Variants in ARNT2 observed in about 807,000 individuals in gnomAD.
ARNT2 encodes the protein ARNT protein 2.
ARNT2 carries 36 observed loss-of-function variants against 91.7 expected under a neutral mutation model. The ratio of observed to expected loss-of-function variants is 0.39; its 90% CI spans 0.30 to 0.52. ARNT2 has a LOEUF of 0.52. Ranked by LOEUF, ARNT2 falls within the 20% of genes least tolerant of loss-of-function variation. The probability of loss-of-function intolerance (pLI) is 0.72; values close to 1 mark genes in which losing one functional copy is unlikely to be tolerated. For missense variants in ARNT2, 775 were observed against 939.3 expected (o/e 0.83, Z 2.29); for synonymous variants, 365 against 347.1 (o/e 1.05, Z -0.57).
At chr15:80,427,955 C>T (rs1162513221) in intron 1 of ARNT2, among the ~76,000 whole-genome samples, 1 of 152,268 alleles carries the variant, frequency 6.6e-6, no homozygotes, top group African/African-American at 2.4e-5. Flanking sequence ...GGGTCTCTCT[C>T]TCCCACTGTC....
intron 1 of ARNT2, chr15:80,436,293 G>T (rs1376888508): frequency 6.5e-6 from 1 of 154,374 alleles, no homozygotes; most frequent in Non-Finnish European, 1.5e-5. Context: ...CTCAAAGAAG[G>T]CGACAAGGAA....
intron 17 of ARNT2, among the ~76,000 whole-genome samples, chr15:80,589,656 C>T (rs915261093): frequency 6.6e-6 from 1 of 152,184 alleles, no homozygotes; most frequent in Non-Finnish European, 1.5e-5. Flanking sequence ...GGGACAGGTG[C>T]CTGTCAGGTG....
intron 12 of ARNT2, 51 bp downstream of exon 12, chr15:80,563,290 G>A: frequency 1.2e-6 from 2 of 1,604,752 alleles, no homozygotes; most frequent in African/African-American, 1.3e-5. Flanking sequence ...GCTTGCTTGG[G>A]TCCAGAGCTG....
At chr15:80,553,382 A>C (rs895050269) in intron 10 of ARNT2, among the ~76,000 whole-genome samples, 7 of 152,230 alleles carry the variant, frequency 4.6e-5, no homozygotes, top group African/African-American at 1.7e-4. Flanking sequence ...TTGAAATGTT[A>C]ATATGTACAG....
intron 1 of ARNT2, among the ~76,000 whole-genome samples, chr15:80,418,113 T>A (rs1055830205): frequency 6.6e-6 from 1 of 152,158 alleles, no homozygotes; most frequent in Non-Finnish European, 1.5e-5. Flanking sequence ...GGGTTTGGGA[T>A]TGAAAGGCAT....
intron 8 of ARNT2, among the ~76,000 whole-genome samples, chr15:80,521,011 G>T (rs1897535955): frequency 1.3e-5 from 2 of 152,116 alleles, no homozygotes; most frequent in Non-Finnish European, 2.9e-5. Flanking sequence ...ACAAAATATA[G>T]TAATTCTCAA....
intron 1 of ARNT2, chr15:80,442,794 CA>C: frequency 1.0e-6 from 1 of 957,914 alleles, no homozygotes; most frequent in Non-Finnish European, 1.2e-6. Context: ...CTGGCCCAAT[CA>C]TATTTTTCTT....
In ARNT2 at chr15:80,596,942, T is replaced by C; in HGVS notation, c.*3244T>C. On this transcript the variant is annotated 3_prime_UTR_variant, in exon 19 of 19. Coordinates refer to ENST00000303329, the MANE Select transcript of ARNT2 (RefSeq NM_014862.4). ...ACTCCCCCCAGTTTTATTTTTAGCT[T>C]TGGCTTCAGGGAGTGACAGCCATCA... is the stretch of plus-strand genomic sequence containing the variant. 2 of 355,144 alleles carry C rather than the reference T, an allele frequency of 5.6e-6. No homozygotes were observed. Among genetic ancestry groups the C allele is most frequent in the Non-Finnish European group, 1.1e-5 (2 of 180,228 alleles). The allele number at this position is 355,144 out of a possible 1,614,324, so 22.0% of individuals were successfully genotyped here.
intron 8 of ARNT2, among the ~76,000 whole-genome samples, chr15:80,547,571 A>G (rs1173007108): frequency 8.5e-5 from 13 of 152,204 alleles, no homozygotes; most frequent in Non-Finnish European, 4.4e-5. Context: ...ATGACTAACA[A>G]ACAAATGGTG....
rs949404163 is a variant in ARNT2, at chr15:80,593,803, C to T, written c.*105C>T. On this transcript the variant is annotated 3_prime_UTR_variant, in exon 19 of 19. Transcript: ENST00000303329. ...CGCCCTGCTTGCCCTGCCGCAGGCC[C>T]CCCACCAGAAGCCATCTCCCCCGCT... The T allele has an allele frequency of 4.0e-5, 43 of 1,076,202 alleles. No individual in the cohort carries two copies. The highest frequency in any genetic ancestry group is 6.2e-5 in the African/African-American group (4 of 64,160). The allele number at this position is 1,076,202 out of a possible 1,614,324, so 66.7% of individuals were successfully genotyped here.
chr15:80,491,216 A>C lies in ARNT2; in HGVS notation c.622+15993A>C, dbSNP rs148713310. Among the ~76,000 whole-genome samples, 1,136 of 152,284 alleles carry C rather than the reference A, an allele frequency of 7.5e-3. 11 individuals carry two copies. Among genetic ancestry groups the C allele is most frequent in the African/African-American group, 0.026 (1,100 of 41,534 alleles). Reference sequence around the variant, plus strand: ...CACGCTGCTGATAAAGACATACCTGAGACTGGGAAGAAAAAGAGGTTTCAT... The same window carrying C: ...CACGCTGCTGATAAAGACATACCTGCGACTGGGAAGAAAAAGAGGTTTCAT... On this transcript the variant is annotated intron_variant, in intron 5 of 18. Coordinates refer to ENST00000303329, the MANE Select transcript of ARNT2 (RefSeq NM_014862.4).
chr15:80,446,841 G>A (rs1896313558), intron 1 of ARNT2, among the ~76,000 whole-genome samples: 1 of 152,058 alleles, frequency 6.6e-6, no homozygotes, highest in Admixed American at 6.6e-5. Context: ...ATTTAAAAAG[G>A]GCTTCCCCTT....
chr15:80,467,615 C>T (rs1896674632), intron 3 of ARNT2, among the ~76,000 whole-genome samples: 1 of 152,224 alleles, frequency 6.6e-6, no homozygotes, highest in Non-Finnish European at 1.5e-5. Flanking sequence ...GTGTACTGCC[C>T]ATGATCTTAC....
intron 8 of ARNT2, among the ~76,000 whole-genome samples, chr15:80,545,580 G>A (rs975134935): frequency 2.0e-5 from 3 of 152,220 alleles, no homozygotes; most frequent in Admixed American, 6.5e-5. Context: ...GACAGGTTTG[G>A]TGTCCATTGA....
chr15:80,571,026 A>G (rs1898574612), intron 12 of ARNT2, among the ~76,000 whole-genome samples: 1 of 152,230 alleles, frequency 6.6e-6, no homozygotes, highest in Non-Finnish European at 1.5e-5. Context: ...TGGCGTTCAG[A>G]TCATACATAT....
intron 1 of ARNT2, among the ~76,000 whole-genome samples, chr15:80,450,322 G>A (rs1896369189): frequency 6.6e-6 from 1 of 152,212 alleles, no homozygotes; most frequent in Non-Finnish European, 1.5e-5. Context: ...ACACCCTAGA[G>A]CTCACTGTCT....
intron 3 of ARNT2, among the ~76,000 whole-genome samples, chr15:80,465,438 G>A (rs1285065098): frequency 6.6e-6 from 1 of 152,200 alleles, no homozygotes; most frequent in Non-Finnish European, 1.5e-5. Flanking sequence ...TCAGGAGGTA[G>A]AAATGGAAGC....
intron 1 of ARNT2, among the ~76,000 whole-genome samples, chr15:80,408,439 A>G (rs1895633914): frequency 2.0e-5 from 3 of 152,154 alleles, no homozygotes. Context: ...TTGAAGACAG[A>G]GATTTTGACT....
intron 5 of ARNT2, among the ~76,000 whole-genome samples, chr15:80,479,705 G>A (rs1472313196): frequency 6.6e-6 from 1 of 152,156 alleles, no homozygotes; most frequent in African/African-American, 2.4e-5. Context: ...AACCCAAGAG[G>A]ACCTATTCTG....
Sources: gnomAD v4.1 joint callset for allele counts (sites outside exome capture counted in the v4.1 genomes callset) on GRCh38, gnomAD v4.1.1 for gene constraint, MANE v1.5 for transcripts, NCBI Gene and HGNC (gene_info 2026-07-23, HGNC 2026-07-21) for gene names.